Variants in RUNX2 observed in about 807,000 individuals in gnomAD.
RUNX2 encodes runt-related transcription factor 2.
A neutral mutation model predicts 51.7 loss-of-function variants in RUNX2; 10 were observed. The ratio of observed to expected loss-of-function variants is 0.19; its 90% CI spans 0.12 to 0.33. The LOEUF (loss-of-function observed/expected upper bound fraction) is 0.33. RUNX2 is among the 10% of genes least tolerant of loss of function. The pLI is 1.00. For synonymous variants in RUNX2, 276 were observed against 273.6 expected (o/e 1.01, Z -0.09); for missense variants, 562 against 691.3 (o/e 0.81, Z 2.10).
intron 5 of RUNX2, among the ~76,000 whole-genome samples, chr6:45,484,697 A>C (rs1451190630): frequency 6.6e-6 from 1 of 152,200 alleles, no homozygotes; most frequent in Non-Finnish European, 1.5e-5. Flanking sequence ...CCTAAGATAC[A>C]GTAAGGCTCA....
At chr6:45,487,710 T>C (rs1178296058) in intron 5 of RUNX2, among the ~76,000 whole-genome samples, 1 of 152,156 alleles carries the variant, frequency 6.6e-6, no homozygotes, top group African/African-American at 2.4e-5. Flanking sequence ...AAGAGGAGAA[T>C]ATTCATTCAT....
chr6:45,389,558 A>G (rs952682282), intron 2 of RUNX2, among the ~76,000 whole-genome samples: 1 of 152,254 alleles, frequency 6.6e-6, no homozygotes, highest in African/African-American at 2.4e-5. Flanking sequence ...ATTACTTACA[A>G]TTAAGACTAA....
chr6:45,334,611 C>T (rs1035368815), intron 2 of RUNX2, among the ~76,000 whole-genome samples: 3 of 151,062 alleles, frequency 2.0e-5, no homozygotes, highest in African/African-American at 4.8e-5. Flanking sequence ...TATTTTTACA[C>T]CGAAACAAAA....
intron 2 of RUNX2, among the ~76,000 whole-genome samples, chr6:45,354,072 CAT>C (rs1467373377): frequency 1.3e-5 from 2 of 152,040 alleles, no homozygotes; most frequent in Non-Finnish European, 2.9e-5. Context: ...GAGGTGCTCT[CAT>C]AACTTGATAG....
At chr6:45,363,237 T>C (rs10807321) in intron 2 of RUNX2, among the ~76,000 whole-genome samples, 34,395 of 152,100 alleles carry the variant, frequency 0.23, 4,563 homozygotes, top group Non-Finnish European at 0.31. Flanking sequence ...TAAAAAATTA[T>C]TTACAAAAAC....
chr6:45,482,117 G>A (rs779913153), intron 5 of RUNX2, among the ~76,000 whole-genome samples: 2 of 152,178 alleles, frequency 1.3e-5, no homozygotes, highest in African/African-American at 2.4e-5. Flanking sequence ...CCGGATTCCC[G>A]GTTAGCTCTT....
At chr6:45,405,148 G>T (rs1056976539) in intron 2 of RUNX2, among the ~76,000 whole-genome samples, 1 of 152,082 alleles carries the variant, frequency 6.6e-6, no homozygotes, top group Non-Finnish European at 1.5e-5. Flanking sequence ...AATCTTATTT[G>T]CCCATAGAGG....
chr6:45,397,757 T>A (rs1797614412), intron 2 of RUNX2, among the ~76,000 whole-genome samples: 1 of 152,250 alleles, frequency 6.6e-6, no homozygotes, highest in South Asian at 2.1e-4. Context: ...GAATTACTGA[T>A]AAATTATTTT....
intron 7 of RUNX2, among the ~76,000 whole-genome samples, chr6:45,527,257 G>A (rs949863269): frequency 6.6e-6 from 1 of 152,178 alleles, no homozygotes; most frequent in African/African-American, 2.4e-5. Context: ...AAGTTATGCA[G>A]GGCCACTACA....
chr6:45,466,847 C>T (rs1432436852), intron 5 of RUNX2, among the ~76,000 whole-genome samples: 2 of 152,266 alleles, frequency 1.3e-5, no homozygotes, highest in South Asian at 2.1e-4. Flanking sequence ...TTCATTTATT[C>T]GACAGATAAG....
chr6:45,366,477 G>A (rs1217004511), intron 2 of RUNX2, among the ~76,000 whole-genome samples: 1 of 152,110 alleles, frequency 6.6e-6, no homozygotes, highest in Non-Finnish European at 1.5e-5. Context: ...CACAATAAAT[G>A]TTAGCTATTG....
chr6:45,491,137 A>G (rs568107063), intron 5 of RUNX2, among the ~76,000 whole-genome samples: 9 of 152,334 alleles, frequency 5.9e-5, no homozygotes, highest in Middle Eastern at 3.4e-3. Context: ...TGAATAAACT[A>G]GAAGAGAGAT....
chr6:45,518,272 C>A (rs181539615), intron 7 of RUNX2, among the ~76,000 whole-genome samples: 106 of 149,642 alleles, frequency 7.1e-4, no homozygotes, highest in African/African-American at 2.4e-3. Flanking sequence ...TTTTATGGAC[C>A]CTAAACAAAG....
At chr6:45,346,126 A>G (rs535136710) in intron 2 of RUNX2, among the ~76,000 whole-genome samples, 6 of 152,232 alleles carry the variant, frequency 3.9e-5, no homozygotes, top group African/African-American at 1.4e-4. Flanking sequence ...CTATAGTAGC[A>G]TATCTGTAAC....
At chr6:45,378,564 A>G (rs144621347) in intron 2 of RUNX2, among the ~76,000 whole-genome samples, 38 of 152,170 alleles carry the variant, frequency 2.5e-4, no homozygotes, top group Non-Finnish European at 4.1e-4. Context: ...AATCTGTTTC[A>G]TTAATCTGCT....
rs1798363866 is a variant in RUNX2 at position 45,425,655 on chromosome 6, A to C, written c.423+2698A>C. On this transcript the variant is annotated intron_variant, in intron 3 of 8. Coordinates refer to ENST00000647337, the MANE Select transcript of RUNX2 (RefSeq NM_001024630.4). ...GAAAAAATGTATGGATGTTTGGAAC[A>C]TCCAGATTGTGACAACCTCTCTTTA... 2.0e-5 allele frequency among the ~76,000 whole-genome samples: 3 copies of C among 152,234 alleles called. No homozygotes were observed. In the South Asian group the frequency reaches 6.2e-4, roughly 31 times the overall value.
chr6:45,544,509 A>G (rs946640104), intron 7 of RUNX2, among the ~76,000 whole-genome samples: 2 of 152,330 alleles, frequency 1.3e-5, no homozygotes, highest in Non-Finnish European at 2.9e-5. Flanking sequence ...AGTGTATTTT[A>G]AGTACAGATA....
chr6:45,452,788 T>C (rs901726457), intron 5 of RUNX2, among the ~76,000 whole-genome samples: 3 of 152,050 alleles, frequency 2.0e-5, no homozygotes, highest in Non-Finnish European at 2.9e-5. Context: ...TCGAAACAGG[T>C]GACACAACAA....
At chr6:45,539,361 C>T (rs932023453) in intron 7 of RUNX2, among the ~76,000 whole-genome samples, 3 of 152,118 alleles carry the variant, frequency 2.0e-5, no homozygotes, top group Admixed American at 6.5e-5. Flanking sequence ...ACTGGATAGT[C>T]GAGGGACTTT....
Sources: allele counts gnomAD v4.1 joint callset (sites outside exome capture counted in the v4.1 genomes callset), GRCh38; gene constraint gnomAD v4.1.1; transcripts MANE v1.5; gene names NCBI Gene and HGNC (gene_info 2026-07-23, HGNC 2026-07-21).